Variants in CELF6 observed in about 807,000 individuals in gnomAD.
The protein encoded by CELF6 is Bruno -like 6, RNA binding protein.
CELF6 carries 32 observed loss-of-function variants against 53.1 expected under a neutral mutation model. The observed-to-expected ratio is 0.60, with a 90% CI of 0.46 to 0.81. The LOEUF (loss-of-function observed/expected upper bound fraction) is 0.81, where lower values mean the gene tolerates loss of function less well. Ranked by LOEUF, CELF6 falls within the 30% of genes least tolerant of loss-of-function variation. The pLI is 0.00. For missense variants in CELF6, 539 were observed against 669.5 expected (o/e 0.81, Z 2.15); for synonymous variants, 291 against 288.8 (o/e 1.01, Z -0.08).
At chr15:72,295,725 CAAAAAAAAA>C (rs35288698) in intron 3 of CELF6, among the ~76,000 whole-genome samples, 1 of 109,046 alleles carries the variant, frequency 9.2e-6, no homozygotes, top group Non-Finnish European at 2.0e-5. Flanking sequence ...GACTCTGTCT[CAAAAAAAAA>C]AAAAAAAAAA....
In CELF6 at chr15:72,309,932, T is replaced by C. The variant is rs552624524; in HGVS notation, c.346-5138A>G. On this transcript the variant is annotated intron_variant, in intron 2 of 12. Transcript: ENST00000287202. ...CAGCCCTGGAGGGGAATTCAAGGGA[T>C]AGAATGTCAGAGAGAACAACCTATT... 2.3e-4 allele frequency among the ~76,000 whole-genome samples: 35 copies of C among 152,154 alleles called. 1 individual carries two copies. In the South Asian group the frequency reaches 7.3e-3, roughly 32 times the overall value.
intron 3 of CELF6, among the ~76,000 whole-genome samples, chr15:72,302,113 T>C (rs2088165359): frequency 6.6e-6 from 1 of 152,212 alleles, no homozygotes; most frequent in African/African-American, 2.4e-5. Flanking sequence ...AGATATATGA[T>C]AGCACTGAAG....
rs1335916639 is a variant in CELF6, at chr15:72,289,287, G to C, written c.881C>G (p.Ala294Gly). ...LVAAPLLPAA[A>G]ANSPPGSGPG... Reference sequence around the variant, plus strand: ...GCCGCTGCCAGGCGGGGAGTTGGCTGCTGATGGCGGAAAAGGTCTGAGAGT... The same window carrying C: ...GCCGCTGCCAGGCGGGGAGTTGGCTCCTGATGGCGGAAAAGGTCTGAGAGT... The change falls in exon 8 of 13, where the codon GCA becomes GGA. Residue 294 changes from alanine to glycine, a missense_variant and splice_region_variant. By Grantham distance (60) the Ala-to-Gly change is moderately conservative (BLOSUM62 0). Coordinates refer to ENST00000287202, the MANE Select transcript of CELF6 (RefSeq NM_052840.5). This position sits in a 1 kb window ranked among gnomAD's most constrained non-coding sequence, Gnocchi z 7.6. 6.4e-7 allele frequency: 1 copy of C among 1,567,570 alleles called. No homozygotes were observed. The highest frequency in any genetic ancestry group is 1.2e-5 in the South Asian group (1 of 86,192).
At chr15:72,311,999 CT>C (rs2088303656) in intron 2 of CELF6, among the ~76,000 whole-genome samples, 1 of 152,182 alleles carries the variant, frequency 6.6e-6, no homozygotes. Flanking sequence ...TAACATCTGC[CT>C]TCTTCACAGC....
At position 72,292,125 on chromosome 15, in the gene CELF6, G is replaced by A. The variant is rs1436108646; in HGVS notation, c.395-1870C>T. 9 of 995,370 alleles carry A rather than the reference G, an allele frequency of 9.0e-6. No individual in the cohort carries two copies. The East Asian group carries it at 2.1e-4, about 23-fold the overall frequency. The allele number at this position is 995,370 out of a possible 1,614,324, so 61.7% of individuals were successfully genotyped here. ...GACTGAAGCCAGAAAAGGAGGGGTG[G>A]AGTTCATCTTGCTTGATCCTCCCCT... On this transcript the variant is annotated intron_variant, in intron 3 of 12. Coordinates refer to ENST00000287202, the MANE Select transcript of CELF6 (RefSeq NM_052840.5).
intron 3 of CELF6, among the ~76,000 whole-genome samples, chr15:72,299,369 T>C (rs555056417): frequency 1.1e-4 from 16 of 148,874 alleles, no homozygotes; most frequent in African/African-American, 3.4e-4. Context: ...TTTCTTTTTT[T>C]TTTTTTTTGA....
intron 3 of CELF6, among the ~76,000 whole-genome samples, chr15:72,297,796 A>C (rs2088099505): frequency 1.3e-5 from 2 of 152,220 alleles, no homozygotes; most frequent in African/African-American, 4.8e-5. Flanking sequence ...GCAAGAAGAA[A>C]AAGTTCTGAG....
At chr15:72,304,724 G>C in intron 3 of CELF6, 22 bp downstream of exon 3, 1 of 1,612,848 alleles carries the variant, frequency 6.2e-7, no homozygotes, top group African/African-American at 1.3e-5. Flanking sequence ...GCAGCCTGAG[G>C]TTGGTCAGAC....
intron 2 of CELF6, among the ~76,000 whole-genome samples, chr15:72,305,203 G>A (rs1241638541): frequency 1.3e-5 from 2 of 152,172 alleles, no homozygotes; most frequent in South Asian, 4.1e-4. Context: ...AGAATATCAC[G>A]CTATGTGTCA....
At chr15:72,304,701 C>T in intron 3 of CELF6, 45 bp downstream of exon 3, 1 of 1,587,480 alleles carries the variant, frequency 6.3e-7, no homozygotes, top group Non-Finnish European at 8.7e-7. Context: ...GCCCACCCTC[C>T]CTTACACGGG....
rs570334570 is a variant in CELF6 at position 72,309,771 on chromosome 15, C to T, written c.346-4977G>A. On this transcript the variant is annotated intron_variant, in intron 2 of 12. Transcript: ENST00000287202. ...TAATCAGGACGTAATCAGGAGTCCC[C>T]CTTGAGGAAAAGAGGACATTGCCTC... Among the ~76,000 whole-genome samples, 13 of 152,260 alleles carry T rather than the reference C, an allele frequency of 8.5e-5. No homozygotes were observed. The South Asian group carries it at 2.5e-3, about 29-fold the overall frequency.
intron 1 of CELF6, among the ~76,000 whole-genome samples, chr15:72,316,697 A>G (rs946374623): frequency 5.9e-5 from 9 of 152,210 alleles, no homozygotes; most frequent in Non-Finnish European, 1.0e-4. Flanking sequence ...CTGTTTGTTC[A>G]GCCTCAGGAC....
In CELF6 at chr15:72,319,278, A is replaced by G. The variant is rs1048136909; in HGVS notation, c.262+335T>C. On this transcript the variant is annotated intron_variant, in intron 1 of 12. Coordinates refer to ENST00000287202, the MANE Select transcript of CELF6 (RefSeq NM_052840.5). The surrounding 1 kb of genome is among the most constrained non-coding windows in gnomAD (Gnocchi z 5.0). Reference sequence around the variant, plus strand: ...AAATTGAGGGTATTCGAGATCTAGAAGGTGGAATAAGTTTTCAAATTCCAG... The same window carrying G: ...AAATTGAGGGTATTCGAGATCTAGAGGGTGGAATAAGTTTTCAAATTCCAG... 6.6e-6 allele frequency among the ~76,000 whole-genome samples: 1 copy of G among 152,114 alleles called. No individual in the cohort carries two copies. Among genetic ancestry groups the G allele is most frequent in the African/African-American group, 2.4e-5 (1 of 41,424 alleles).
At chr15:72,286,586 C>T (rs1310499551) in intron 12 of CELF6, among the ~76,000 whole-genome samples, 2 of 152,206 alleles carry the variant, frequency 1.3e-5, no homozygotes, top group Non-Finnish European at 2.9e-5. Context: ...CCTGGGGTAG[C>T]TCAAAGTGAG....
At chr15:72,304,866 C>A in intron 2 of CELF6, 72 bp from the exon 3 acceptor site, 3 of 1,409,524 alleles carry the variant, frequency 2.1e-6, no homozygotes, top group Non-Finnish European at 1.0e-6. Flanking sequence ...TTCTCGAACC[C>A]TGGACTCCTC....
At chr15:72,310,584 G>A (rs1230837549) in intron 2 of CELF6, among the ~76,000 whole-genome samples, 2 of 151,126 alleles carry the variant, frequency 1.3e-5, no homozygotes, top group African/African-American at 4.9e-5. Context: ...GACCTCCAGG[G>A]CTCAAGCAAC....
chr15:72,294,499 G>A lies in CELF6; in HGVS notation c.395-4244C>T, dbSNP rs575370621. Among the ~76,000 whole-genome samples the A allele has an allele frequency of 1.2e-4, 18 of 152,336 alleles. 1 individual carries two copies. The East Asian group carries it at 3.3e-3, about 28-fold the overall frequency. The stretch of plus-strand genomic sequence containing the variant: ...GCCACGGGGAAAGTGACAGAAGGAA[G>A]TAGCCAGGACGAGAAGAGTCTCCTG... On this transcript the variant is annotated intron_variant, in intron 3 of 12. Coordinates refer to ENST00000287202, the MANE Select transcript of CELF6 (RefSeq NM_052840.5).
Position 72,319,879 on chromosome 15 carries a change from C to T in CELF6, c.-5G>A. On this transcript the variant is annotated 5_prime_UTR_variant, in exon 1 of 13. Transcript: ENST00000287202. The surrounding 1 kb of genome is among the most constrained non-coding windows in gnomAD (Gnocchi z 5.0). ...CCCTCCCGGCGCCGCGGCCATGTCCCCGCCCTGTCAGCCCTCCCGCCGGTC... is the reference window on the plus strand; with the variant it reads ...CCCTCCCGGCGCCGCGGCCATGTCCTCGCCCTGTCAGCCCTCCCGCCGGTC... 1.4e-6 allele frequency: 2 copies of T among 1,465,292 alleles called. No individual in the cohort carries two copies. The highest frequency in any genetic ancestry group is 1.8e-6 in the Non-Finnish European group (2 of 1,111,142). 90.8% of individuals were successfully genotyped at this position (1,465,292 alleles called of 1,614,324 possible).
Position 72,289,776 on chromosome 15 carries a change from C to T in CELF6, c.604-6G>A. ...ACGAGGCTGGACGAGGCGCCCTGGG[C>T]AGGGCAGGGGAGGCCGTGGTGACCG... is the stretch of plus-strand genomic sequence containing the variant. On this transcript the variant is annotated splice_region_variant and splice_polypyrimidine_tract_variant and intron_variant, in intron 5 of 12. Coordinates refer to ENST00000287202, the MANE Select transcript of CELF6 (RefSeq NM_052840.5). The surrounding 1 kb of genome is among the most constrained non-coding windows in gnomAD (Gnocchi z 7.6). 3 of 1,451,866 alleles carry T rather than the reference C, an allele frequency of 2.1e-6. No homozygotes were observed. The highest frequency in any genetic ancestry group is 1.8e-6 in the Non-Finnish European group (2 of 1,108,122). The allele number at this position is 1,451,866 out of a possible 1,614,324, so 89.9% of individuals were successfully genotyped here.
Sources: allele counts gnomAD v4.1 joint callset (sites outside exome capture counted in the v4.1 genomes callset), GRCh38; gene constraint gnomAD v4.1.1; non-coding constraint Gnocchi (gnomAD v3.1); transcripts MANE v1.5; gene names NCBI Gene and HGNC (gene_info 2026-07-23, HGNC 2026-07-21).